ME1: variants seen among roughly 807,000 people sequenced by gnomAD.
ME1 encodes malic enzyme 1.
ME1 carries 74 observed loss-of-function variants against 66.4 expected under a neutral mutation model. The ratio of observed to expected loss-of-function variants is 1.11; its 90% CI spans 0.92 to 1.35. The LOEUF (loss-of-function observed/expected upper bound fraction) is 1.35. ME1 is among the 40% of genes most tolerant of loss of function. The probability of loss-of-function intolerance (pLI) is 0.00; values close to 1 mark genes in which losing one functional copy is unlikely to be tolerated. For synonymous variants in ME1, 251 were observed against 235.6 expected, an observed-to-expected ratio of 1.07 and a Z score of -0.60; for missense variants, 750 against 694.1, an observed-to-expected ratio of 1.08 and a Z score of -0.90.
intron 3 of ME1, among the ~76,000 whole-genome samples, chr6:83,366,788 G>T (rs1234268721): frequency 1.3e-5 from 2 of 152,154 alleles, no homozygotes; most frequent in Non-Finnish European, 2.9e-5. Flanking sequence ...CGAAGTCTTG[G>T]ATCCCTCAAA....
chr6:83,287,120 T>C (rs1276288809), intron 6 of ME1, among the ~76,000 whole-genome samples: 1 of 152,200 alleles, frequency 6.6e-6, no homozygotes, highest in Admixed American at 6.5e-5. Context: ...GTTTTTATTA[T>C]GGTAAAAATA....
chr6:83,294,414 T>C (rs1767557269), intron 6 of ME1, among the ~76,000 whole-genome samples: 2 of 152,132 alleles, frequency 1.3e-5, no homozygotes, highest in Admixed American at 6.5e-5. Flanking sequence ...ATAAATATTC[T>C]ATCCGAGCTT....
chr6:83,398,456 T>C lies in ME1; in HGVS notation c.273A>G (p.Thr91=), dbSNP rs1769783076. Reference sequence around the variant, plus strand: ...TAGGCATGAATTTCTCAATGTCAGATGTCAGCACTCTATAAAAGAGTTTTT... The same window carrying C: ...TAGGCATGAATTTCTCAATGTCAGACGTCAGCACTCTATAAAAGAGTTTTT... ...RNEKLFYRVL[T]SDIEKFMPIV... is the part of the protein sequence containing the mutation. The change falls in exon 3 of 14, where the codon ACA becomes ACG. Residue 91 remains threonine, a synonymous_variant. Transcript: ENST00000369705. The C allele has an allele frequency of 1.9e-6, 3 of 1,591,778 alleles. No individual in the cohort carries two copies. The highest frequency in any genetic ancestry group is 2.6e-6 in the Non-Finnish European group (3 of 1,164,748).
chr6:83,328,768 A>G (rs1768349345), intron 5 of ME1, among the ~76,000 whole-genome samples: 1 of 152,190 alleles, frequency 6.6e-6, no homozygotes, highest in Non-Finnish European at 1.5e-5. Flanking sequence ...GAAGCACTTA[A>G]AAAAGGGTGG....
chr6:83,428,381 G>C (rs1770412825), intron 1 of ME1, among the ~76,000 whole-genome samples: 1 of 152,134 alleles, frequency 6.6e-6, no homozygotes, highest in Admixed American at 6.5e-5. Context: ...TAATGAAGGT[G>C]TCTCTTTCAT....
chr6:83,251,180 A>G (rs1790716783), intron 7 of ME1, among the ~76,000 whole-genome samples: 1 of 152,170 alleles, frequency 6.6e-6, no homozygotes. Flanking sequence ...TTTAGTTGGA[A>G]TGGAGACACT....
chr6:83,352,169 G>A, intron 3 of ME1, 30 bp from the exon 4 acceptor site: 1 of 1,325,422 alleles, frequency 7.5e-7, no homozygotes. Flanking sequence ...AAAAGGAGTA[G>A]TTTACATTTA....
intron 1 of ME1, among the ~76,000 whole-genome samples, chr6:83,430,207 CAAAA>C (rs1050273349): frequency 6.6e-6 from 1 of 151,832 alleles, no homozygotes; most frequent in Non-Finnish European, 1.5e-5. Flanking sequence ...CAAAACAAAA[CAAAA>C]GAAAGAAAGA....
chr6:83,245,751 T>C (rs1790607430), intron 7 of ME1, among the ~76,000 whole-genome samples: 1 of 151,938 alleles, frequency 6.6e-6, no homozygotes, highest in African/African-American at 2.4e-5. Flanking sequence ...TACATTCTTT[T>C]GTAATAAAAA....
At chr6:83,295,099 C>G (rs1767573453) in intron 6 of ME1, among the ~76,000 whole-genome samples, 1 of 152,154 alleles carries the variant, frequency 6.6e-6, no homozygotes, top group South Asian at 2.1e-4. Flanking sequence ...ACCAACTGAC[C>G]ATTATGCTTA....
intron 3 of ME1, among the ~76,000 whole-genome samples, chr6:83,364,403 T>C (rs1262761506): frequency 6.6e-6 from 1 of 152,146 alleles, no homozygotes; most frequent in Non-Finnish European, 1.5e-5. Context: ...TATATATATA[T>C]ATTCCATTAG....
At chr6:83,236,995 T>C (rs1358913227) in intron 9 of ME1, among the ~76,000 whole-genome samples, 1 of 150,804 alleles carries the variant, frequency 6.6e-6, no homozygotes, top group African/African-American at 2.4e-5. Flanking sequence ...AGCTCAGGAG[T>C]TTGAGACCAG....
intron 2 of ME1, among the ~76,000 whole-genome samples, chr6:83,403,677 G>A (rs548362110): frequency 3.3e-4 from 50 of 152,174 alleles, no homozygotes; most frequent in African/African-American, 1.2e-3. Context: ...ACAGGCCCTG[G>A]TGTGTGATGT....
chr6:83,246,252 G>A (rs575894341), intron 7 of ME1, among the ~76,000 whole-genome samples: 1 of 152,180 alleles, frequency 6.6e-6, no homozygotes, highest in South Asian at 2.1e-4. Flanking sequence ...CTCAACAATT[G>A]TGCCATGTTT....
At chr6:83,382,278 T>G (rs1769419977) in intron 3 of ME1, among the ~76,000 whole-genome samples, 1 of 152,122 alleles carries the variant, frequency 6.6e-6, no homozygotes, top group Non-Finnish European at 1.5e-5. Flanking sequence ...CTATTCTCAA[T>G]GCTTGGTAAA....
At chr6:83,292,864 C>T (rs557632206) in intron 6 of ME1, among the ~76,000 whole-genome samples, 67 of 152,242 alleles carry the variant, frequency 4.4e-4, no homozygotes, top group Non-Finnish European at 8.1e-4. Flanking sequence ...ACGCCCCTCC[C>T]GCCGCCAAGC....
chr6:83,260,442 CA>C (rs1268719896), intron 6 of ME1, among the ~76,000 whole-genome samples: 5 of 152,022 alleles, frequency 3.3e-5, no homozygotes, highest in African/African-American at 7.2e-5. Flanking sequence ...ATTTTAGGTT[CA>C]GGGGTACATA....
intron 3 of ME1, among the ~76,000 whole-genome samples, chr6:83,394,783 G>C (rs2128550288): frequency 6.6e-6 from 1 of 152,228 alleles, no homozygotes; most frequent in African/African-American, 2.4e-5. Flanking sequence ...GTTGTTAAAA[G>C]TATTAATATG....
intron 3 of ME1, among the ~76,000 whole-genome samples, chr6:83,374,807 T>G (rs1489666284): frequency 6.6e-6 from 1 of 152,254 alleles, no homozygotes; most frequent in East Asian, 1.9e-4. Context: ...TTCAGTTTTC[T>G]GCATATGGGT....
Sources: gnomAD v4.1 joint callset for allele counts (sites outside exome capture counted in the v4.1 genomes callset) on GRCh38, gnomAD v4.1.1 for gene constraint, MANE v1.5 for transcripts, NCBI Gene and HGNC (gene_info 2026-07-23, HGNC 2026-07-21) for gene names.